INPP5F: variants seen among roughly 807,000 people sequenced by gnomAD.
The protein encoded by INPP5F is phosphatidylinositide 4-phosphatase SAC2.
A neutral mutation model predicts 137.2 loss-of-function variants in INPP5F; 97 were observed. That is an observed-to-expected ratio of 0.71 (90% CI 0.60 to 0.84). The LOEUF (loss-of-function observed/expected upper bound fraction) is 0.84. Among genes scored for constraint, INPP5F ranks in the 40% least tolerant of loss-of-function variants. The pLI is 0.00. For missense variants in INPP5F, 1,271 were observed against 1,371.9 expected, an observed-to-expected ratio of 0.93 and a Z score of 1.16; for synonymous variants, 504 against 476.9, an observed-to-expected ratio of 1.06 and a Z score of -0.74.
chr10:119,823,625 A>G (rs987770534), intron 18 of INPP5F, among the ~76,000 whole-genome samples, 190 bp from the exon 19 acceptor site: 4 of 152,244 alleles, frequency 2.6e-5, no homozygotes, highest in Non-Finnish European at 5.9e-5. Flanking sequence ...TGTTCTTTTA[A>G]AATGTTAGAA....
At chr10:119,741,534 T>C (rs531436458) in intron 1 of INPP5F, among the ~76,000 whole-genome samples, 96 of 152,262 alleles carry the variant, frequency 6.3e-4, no homozygotes, top group Middle Eastern at 6.8e-3. Context: ...TTATTAATTT[T>C]AATTTTTATT....
Position 119,791,664 on chromosome 10 carries a change from T to C in INPP5F, c.444+19T>C, listed in dbSNP as rs546573078. The C allele has an allele frequency of 3.1e-5, 49 of 1,580,708 alleles. No homozygotes were observed. Among genetic ancestry groups the C allele is most frequent in the Admixed American group, 2.8e-4 (16 of 57,684 alleles). ...AAAGAAAGTAAGAGTTTAATTGATA[T>C]AGGCTTTGAATTCACCTTTGATTAG... is the stretch of plus-strand genomic sequence containing the variant. On this transcript the variant is annotated intron_variant, in intron 4 of 19. Transcript: ENST00000650623.
Position 119,828,924 on chromosome 10 carries a change from C to T in INPP5F, c.*1144C>T, listed in dbSNP as rs1384044713. 1.3e-5 allele frequency: 2 copies of T among 152,568 alleles called. No individual in the cohort carries two copies. The highest frequency in any genetic ancestry group is 2.9e-5 in the Non-Finnish European group (2 of 68,042). 9.5% of individuals were successfully genotyped at this position (152,568 alleles called of 1,614,324 possible). A position where few individuals can be genotyped will look rare whatever the true frequency, so the allele number is the denominator to read the frequency against. ...CTGACCACACAGAACCAGGGCTGCC[C>T]CTGTAATCCCCACAGTAAGAAAGTT... On this transcript the variant is annotated 3_prime_UTR_variant, in exon 20 of 20. Coordinates refer to ENST00000650623, the MANE Select transcript of INPP5F (RefSeq NM_014937.4).
chr10:119,800,818 G>A (rs546901995), intron 9 of INPP5F, among the ~76,000 whole-genome samples: 1 of 151,732 alleles, frequency 6.6e-6, no homozygotes, highest in Admixed American at 6.6e-5. Flanking sequence ...GGCACGGTGG[G>A]ATGCACCTGT....
chr10:119,774,503 T>TTTTC (rs746290670), intron 2 of INPP5F, among the ~76,000 whole-genome samples: 2 of 151,680 alleles, frequency 1.3e-5, no homozygotes, highest in African/African-American at 4.8e-5. Flanking sequence ...TTGTTTTTTT[T>TTTTC]TTTCTTTCTT....
chr10:119,827,582 A>C lies in INPP5F; in HGVS notation c.3201A>C (p.Ala1067=), dbSNP rs1564860322. ...CTTCAGAGAGCAGTAGCAGCAGAGC[A>C]GTCTCTCCCTTTGCCAAGATTCGAA... ...PSPSESSSSR[A]VSPFAKIRSS... Residue 1067 remains alanine (A), a synonymous_variant, in exon 20 of 20, where the codon GCA becomes GCC. Coordinates refer to ENST00000650623, the MANE Select transcript of INPP5F (RefSeq NM_014937.4). The C allele has an allele frequency of 1.2e-6, 2 of 1,614,182 alleles. No individual in the cohort carries two copies. Among genetic ancestry groups the C allele is most frequent in the Non-Finnish European group, 1.7e-6 (2 of 1,180,024 alleles).
intron 2 of INPP5F, among the ~76,000 whole-genome samples, chr10:119,773,093 G>C (rs1026193301): frequency 1.3e-5 from 2 of 151,808 alleles, no homozygotes; most frequent in African/African-American, 4.8e-5. Flanking sequence ...GTCTTACTCT[G>C]TTGCCCAGGA....
At chr10:119,760,878 A>G (rs148717987) in intron 2 of INPP5F, among the ~76,000 whole-genome samples, 5 of 152,324 alleles carry the variant, frequency 3.3e-5, no homozygotes, top group African/African-American at 1.2e-4. Context: ...TGTCTTTAGT[A>G]TGCTGGAGTT....
At chr10:119,758,273 C>G (rs556550347) in intron 2 of INPP5F, among the ~76,000 whole-genome samples, 11 of 152,282 alleles carry the variant, frequency 7.2e-5, no homozygotes, top group Non-Finnish European at 5.9e-5. Flanking sequence ...GCTGGTGCTC[C>G]TGGATGGAAA....
chr10:119,806,891 T>C (rs1234071599), intron 12 of INPP5F, among the ~76,000 whole-genome samples: 1 of 150,304 alleles, frequency 6.7e-6, no homozygotes, highest in East Asian at 2.0e-4. Flanking sequence ...GGAACACAGG[T>C]GAAGGAGCCT....
At chr10:119,792,454 G>A (rs550096626) in intron 6 of INPP5F, among the ~76,000 whole-genome samples, 90 of 152,186 alleles carry the variant, frequency 5.9e-4, no homozygotes, top group Non-Finnish European at 1.0e-3. Flanking sequence ...CATTCCCATA[G>A]GATAATGGTA....
At chr10:119,736,495 C>T (rs1848220092) in intron 1 of INPP5F, among the ~76,000 whole-genome samples, 1 of 152,138 alleles carries the variant, frequency 6.6e-6, no homozygotes, top group Non-Finnish European at 1.5e-5. Flanking sequence ...GTGTAGGTTT[C>T]CTGTACTGGT....
chr10:119,748,661 C>T lies in INPP5F; in HGVS notation c.98-2415C>T, dbSNP rs1185045911. The stretch of plus-strand genomic sequence containing the variant: ...TCCCTCCCGCAGCTGGTGGTCTGGA[C>T]ATCTGTGAGTCTGGCTGAGTCCGGG... On this transcript the variant is annotated intron_variant, in intron 1 of 19. Transcript: ENST00000650623. The surrounding 1 kb of genome is among the most constrained non-coding windows in gnomAD (Gnocchi z 4.7). Among the ~76,000 whole-genome samples, 2 of 152,140 alleles carry T rather than the reference C, an allele frequency of 1.3e-5. No individual in the cohort carries two copies. Among genetic ancestry groups the T allele is most frequent in the South Asian group, 4.1e-4 (2 of 4,828 alleles).
At chr10:119,821,443 G>C (rs983163645) in intron 16 of INPP5F, among the ~76,000 whole-genome samples, 2 of 152,070 alleles carry the variant, frequency 1.3e-5, no homozygotes, top group African/African-American at 2.4e-5. Flanking sequence ...TCTCCAGAAA[G>C]ACTCTCAATG....
chr10:119,746,783 A>T (rs1321067486), intron 1 of INPP5F, among the ~76,000 whole-genome samples: 9 of 142,740 alleles, frequency 6.3e-5, no homozygotes, highest in South Asian at 2.2e-4. Context: ...AAGCAGCCAA[A>T]TTTTTTTTTT....
At position 119,827,017 on chromosome 10, in the gene INPP5F, T is replaced by C. The variant is rs1564858838; in HGVS notation, c.2636T>C (p.Leu879Ser). The change falls in exon 20 of 20, where the codon TTA (leucine) becomes TCA (serine). Residue 879 changes from leucine to serine, a missense_variant. Coordinates refer to ENST00000650623, the MANE Select transcript of INPP5F (RefSeq NM_014937.4). ...SDEDRQLANS[L>S]ESVGPIDYVL... is the part of the protein sequence containing the mutation. ...GAAGACAGGCAGCTAGCTAACTCAT[T>C]AGAGAGTGTAGGGCCAATAGATTAC... 8 of 1,614,020 alleles carry C rather than the reference T, an allele frequency of 5.0e-6. No homozygotes were observed. The highest frequency in any genetic ancestry group is 1.7e-5 in the Admixed American group (1 of 59,992).
At chr10:119,745,751 C>G (rs1265687900) in intron 1 of INPP5F, among the ~76,000 whole-genome samples, 2 of 133,302 alleles carry the variant, frequency 1.5e-5, no homozygotes, top group Non-Finnish European at 1.5e-5. Flanking sequence ...GTTAGCCAGG[C>G]TGGAGTGCAG....
chr10:119,755,921 G>A (rs1291522403), intron 2 of INPP5F, among the ~76,000 whole-genome samples: 1 of 152,180 alleles, frequency 6.6e-6, no homozygotes, highest in Non-Finnish European at 1.5e-5. Flanking sequence ...ACTTTGGGAG[G>A]CTGAGGTGGG....
Position 119,811,782 on chromosome 10 carries a change from A to G in INPP5F, c.1713A>G (p.Thr571=). 6.2e-7 allele frequency: 1 copy of G among 1,614,040 alleles called. No individual in the cohort carries two copies. Among genetic ancestry groups the G allele is most frequent in the Non-Finnish European group, 8.5e-7 (1 of 1,179,868 alleles). The change falls in exon 15 of 20, where the codon ACA becomes ACG. Residue 571 remains threonine, a synonymous_variant. Transcript: ENST00000650623. ...VIDLMQGIPV[T]EDLYSIFTKE... ...ATTTGATGCAAGGCATTCCAGTGACAGAAGATCTTTATTCCATATTTACCA... is the reference window on the plus strand; with the variant it reads ...ATTTGATGCAAGGCATTCCAGTGACGGAAGATCTTTATTCCATATTTACCA...
Sources: gnomAD v4.1 joint callset for allele counts (sites outside exome capture counted in the v4.1 genomes callset) on GRCh38, gnomAD v4.1.1 for gene constraint, Gnocchi (gnomAD v3.1) non-coding constraint, MANE v1.5 for transcripts, NCBI Gene and HGNC (gene_info 2026-07-23, HGNC 2026-07-21) for gene names.